Variants in GUCY2F observed in about 807,000 individuals in gnomAD.
GUCY2F encodes retinal guanylyl cyclase 2.
In GUCY2F, 61 loss-of-function variants were observed where a neutral mutation model predicts 73.1. That is an observed-to-expected ratio of 0.83 (90% confidence interval 0.68 to 1.03). The LOEUF (loss-of-function observed/expected upper bound fraction) is 1.03, where lower values mean the gene tolerates loss of function less well. Among genes scored for constraint, GUCY2F ranks in the 50% least tolerant of loss-of-function variants. GUCY2F has a pLI of 0.00. For synonymous variants in GUCY2F, 331 were observed against 307.8 expected, an observed-to-expected ratio of 1.08 and a Z score of -0.79; for missense variants, 912 against 854.3, an observed-to-expected ratio of 1.07 and a Z score of -0.84.
chrX:109,479,143 G>C lies in GUCY2F; in HGVS notation c.-86+2723C>G, dbSNP rs1932748869. Reference sequence around the variant, plus strand: ...ACTCAGGGCACAGTGCTGCACAGCTGGGGGTGGGGAGCACCAGTTCCACTG... The same window carrying C: ...ACTCAGGGCACAGTGCTGCACAGCTCGGGGTGGGGAGCACCAGTTCCACTG... On this transcript the variant is annotated intron_variant, in intron 1 of 19. Transcript: ENST00000218006. Among the ~76,000 whole-genome samples, 5 of 111,415 alleles carry C rather than the reference G, an allele frequency of 4.5e-5. No individual in the cohort carries two copies. In the Admixed American group the frequency reaches 4.7e-4, roughly 11 times the overall value.
In GUCY2F at chrX:109,388,277, G is replaced by A. The variant is rs137969892; in HGVS notation, c.2956+212C>T. 1.6e-4 allele frequency among the ~76,000 whole-genome samples: 18 copies of A among 111,876 alleles called. No individual in the cohort carries two copies. In the East Asian group the frequency reaches 5.1e-3, roughly 32 times the overall value. On this transcript the variant is annotated intron_variant, in intron 15 of 19. Coordinates refer to ENST00000218006, the MANE Select transcript of GUCY2F (RefSeq NM_001522.3). ...CTAACCAAAATGGTAGATTAAAAGA[G>A]TTTAGTACCTGGAACAAGGAGCTGC...
chrX:109,410,534 C>T (rs1256149893), intron 8 of GUCY2F, among the ~76,000 whole-genome samples: 1 of 112,358 alleles, frequency 8.9e-6, no homozygotes, highest in Non-Finnish European at 1.9e-5. Context: ...ATGTGAGAAG[C>T]ATTTAGTGCA....
At position 109,446,675 on chromosome X, in the gene GUCY2F, G is replaced by A. The variant is rs755419736; in HGVS notation, c.1569+1394C>T. Among the ~76,000 whole-genome samples the A allele has an allele frequency of 1.9e-3, 210 of 111,877 alleles. 1 individual carries two copies. The highest frequency in any genetic ancestry group is 3.0e-3 in the Non-Finnish European group (160 of 53,155). On this transcript the variant is annotated intron_variant, in intron 6 of 19. Coordinates refer to ENST00000218006, the MANE Select transcript of GUCY2F (RefSeq NM_001522.3). ...CAGACCTAAAACCATAAAAACCCTA[G>A]AAGAAAACCTAGGCAATACCATTCA...
At position 109,419,394 on chromosome X, in the gene GUCY2F, AT is replaced by A. The variant is rs755989557; in HGVS notation, c.1792-10227del. ...CCGGGGATATTAGGATGTGCTTAAT[AT>A]TTCTTTCAAAAACTATGTAATTCAC... On this transcript the variant is annotated intron_variant, in intron 8 of 19. Coordinates refer to ENST00000218006, the MANE Select transcript of GUCY2F (RefSeq NM_001522.3). 3.5e-3 allele frequency among the ~76,000 whole-genome samples: 384 copies of A among 111,112 alleles called. 1 individual carries two copies. The highest frequency in any genetic ancestry group is 6.1e-3 in the Non-Finnish European group (322 of 52,418).
At chrX:109,405,354 G>A (rs775228528) in intron 9 of GUCY2F, among the ~76,000 whole-genome samples, 29 of 111,540 alleles carry the variant, frequency 2.6e-4, no homozygotes, top group Non-Finnish European at 4.9e-4. Flanking sequence ...TGTCATTTGC[G>A]TTTTACACTT....
Position 109,404,354 on chromosome X carries a change from A to T in GUCY2F, c.2099T>A (p.Leu700His). 1 of 1,198,625 alleles carries T rather than the reference A, an allele frequency of 8.3e-7. No homozygotes were observed. Among genetic ancestry groups the T allele is most frequent in the South Asian group, 1.8e-5 (1 of 56,331 alleles). The change falls in exon 10 of 20, where the codon CTC becomes CAC. Residue 700 changes from leucine to histidine, a missense_variant. Leu to His is a moderately conservative substitution (Grantham distance 99, BLOSUM62 -3). Transcript: ENST00000218006. ...GFNDILEMLR[L>H]SEEESSMEEL... Reference sequence around the variant, plus strand: ...TTCCATAGAAGATTCCTCTTCAGAGAGTCTCAGCATTTCTAAGATGTCGTT... The same window carrying T: ...TTCCATAGAAGATTCCTCTTCAGAGTGTCTCAGCATTTCTAAGATGTCGTT...
At chrX:109,380,583 A>G (rs1274406101) in intron 17 of GUCY2F, among the ~76,000 whole-genome samples, 1 of 111,075 alleles carries the variant, frequency 9.0e-6, no homozygotes, top group East Asian at 2.9e-4. Flanking sequence ...CACAACAATA[A>G]TCCAGGCCCA....
At chrX:109,444,471 T>C (rs1480603170) in intron 6 of GUCY2F, among the ~76,000 whole-genome samples, 1 of 111,976 alleles carries the variant, frequency 8.9e-6, no homozygotes, top group Non-Finnish European at 1.9e-5. Flanking sequence ...GACAACATAA[T>C]GTATTTGTAT....
intron 8 of GUCY2F, among the ~76,000 whole-genome samples, chrX:109,409,439 A>T (rs1222411857): frequency 2.7e-5 from 3 of 111,902 alleles, no homozygotes; most frequent in Non-Finnish European, 5.6e-5. Context: ...AATCAGAGAG[A>T]TTCAAAATAT....
chrX:109,425,498 C>T (rs182845244), intron 8 of GUCY2F, among the ~76,000 whole-genome samples: 32 of 109,732 alleles, frequency 2.9e-4, no homozygotes, highest in South Asian at 3.9e-4. Flanking sequence ...ATGGCATTTA[C>T]AGCAACCTGG....
intron 2 of GUCY2F, among the ~76,000 whole-genome samples, chrX:109,472,589 A>G (rs1674717649): frequency 8.9e-6 from 1 of 112,282 alleles, no homozygotes; most frequent in Non-Finnish European, 1.9e-5. Context: ...CTGGAAAATT[A>G]GCTAAAGATT....
chrX:109,374,309 C>G (rs891910813), intron 19 of GUCY2F, among the ~76,000 whole-genome samples: 8 of 111,405 alleles, frequency 7.2e-5, no homozygotes, highest in African/African-American at 2.3e-4. Context: ...GTTAATGAGG[C>G]CAGGACCAGG....
chrX:109,395,486 A>G lies in GUCY2F; in HGVS notation c.2279T>C (p.Ile760Thr). The G allele has an allele frequency of 1.7e-6, 2 of 1,196,182 alleles. No individual in the cohort carries two copies. Among genetic ancestry groups the G allele is most frequent in the Non-Finnish European group, 2.3e-6 (2 of 884,759 alleles). ...FCMMDLPAQE[I>T]INRLKKPPPV... is the part of the protein sequence containing the mutation. ...AGGAGGCTTCTTAAGTCTGTTTATGATTTCTGTCCAGATGCGAGAAGAGAA... is the reference window on the plus strand; with the variant it reads ...AGGAGGCTTCTTAAGTCTGTTTATGGTTTCTGTCCAGATGCGAGAAGAGAA... The change falls in exon 12 of 20, where the codon ATC becomes ACC. Residue 760 changes from isoleucine to threonine, a missense_variant. Coordinates refer to ENST00000218006, the MANE Select transcript of GUCY2F (RefSeq NM_001522.3).
chrX:109,470,817 A>G (rs1050531516), intron 2 of GUCY2F, among the ~76,000 whole-genome samples: 2 of 111,131 alleles, frequency 1.8e-5, no homozygotes, highest in Admixed American at 9.6e-5. Flanking sequence ...GCTTTAGACT[A>G]CTCCGAATAT....
chrX:109,416,642 C>T (rs916905182), intron 8 of GUCY2F, among the ~76,000 whole-genome samples: 19 of 110,681 alleles, frequency 1.7e-4, no homozygotes, highest in Middle Eastern at 9.3e-3. Flanking sequence ...TAGTAAAAGA[C>T]ATCAACTTAA....
chrX:109,420,917 C>A (rs1330013528), intron 8 of GUCY2F, among the ~76,000 whole-genome samples: 2 of 111,808 alleles, frequency 1.8e-5, no homozygotes, highest in African/African-American at 3.2e-5. Context: ...TACAACTACT[C>A]TATGACCCAG....
At chrX:109,481,486 G>C (rs779077041) in intron 1 of GUCY2F, among the ~76,000 whole-genome samples, 1 of 111,967 alleles carries the variant, frequency 8.9e-6, no homozygotes, top group Admixed American at 9.5e-5. Flanking sequence ...ATGACAAATA[G>C]CTCTGAGGGA....
chrX:109,405,199 T>TAAC (rs1930944156), intron 9 of GUCY2F, among the ~76,000 whole-genome samples: 1 of 111,990 alleles, frequency 8.9e-6, no homozygotes, highest in Admixed American at 9.5e-5. Flanking sequence ...CATGTATATT[T>TAAC]AACAAACAAA....
intron 8 of GUCY2F, among the ~76,000 whole-genome samples, chrX:109,411,757 A>G (rs756930347): frequency 3.5e-4 from 39 of 112,229 alleles, no homozygotes; most frequent in Non-Finnish European, 6.2e-4. Flanking sequence ...ACCAGTATAA[A>G]TACATGTGGG....
Sources: allele counts gnomAD v4.1 joint callset (sites outside exome capture counted in the v4.1 genomes callset), GRCh38; gene constraint gnomAD v4.1.1; transcripts MANE v1.5; gene names NCBI Gene and HGNC (gene_info 2026-07-23, HGNC 2026-07-21).